The following HEATR5B variants were observed in gnomAD, a reference collection of about 807,000 sequenced individuals.
HEATR5B encodes HEAT repeat containing 5B, also known as HEAT repeat-containing protein 5B.
A neutral mutation model predicts 224.1 loss-of-function variants in HEATR5B; 156 were observed. The ratio of observed to expected loss-of-function variants is 0.70; its 90% confidence interval spans 0.61 to 0.80. The LOEUF (loss-of-function observed/expected upper bound fraction) is 0.80. HEATR5B is among the 30% of genes least tolerant of loss of function. HEATR5B has a pLI of 0.00. For synonymous variants in HEATR5B, 1,027 were observed against 893.0 expected (o/e 1.15, Z -2.68); for missense variants, 2,323 against 2,535.5 (o/e 0.92, Z 1.80).
chr2:37,055,272 AT>A (rs1415030589), intron 16 of HEATR5B, among the ~76,000 whole-genome samples: 1 of 151,530 alleles, frequency 6.6e-6, no homozygotes, highest in African/African-American at 2.4e-5. Flanking sequence ...ACTGTTGAAT[AT>A]TTATGTTATT....
intron 19 of HEATR5B, chr2:37,040,914 A>T: frequency 2.0e-6 from 1 of 493,506 alleles, no homozygotes; most frequent in Non-Finnish European, 3.5e-6. Flanking sequence ...ATAAAAAGAA[A>T]ATATGTTTGA....
intron 21 of HEATR5B, among the ~76,000 whole-genome samples, chr2:37,034,356 G>C (rs1052313170): frequency 7.2e-6 from 1 of 138,864 alleles, no homozygotes; most frequent in Admixed American, 7.1e-5. Context: ...GCTCACGCCT[G>C]TAATCCCAGC....
intron 8 of HEATR5B, 111 bp downstream of exon 8, chr2:37,068,570 T>A (rs936750243): frequency 2.5e-6 from 3 of 1,185,322 alleles, no homozygotes; most frequent in Admixed American, 2.3e-5. Context: ...AAAATCACTA[T>A]GAAAACACAC....
At chr2:37,068,628 T>C in intron 8 of HEATR5B, 53 bp downstream of exon 8, 2 of 1,566,202 alleles carry the variant, frequency 1.3e-6, no homozygotes. Context: ...AGAATCATAA[T>C]AAAGAACTAA....
rs1287329021 is a variant in HEATR5B at position 37,068,831 on chromosome 2, C to T, written c.1027G>A (p.Ala343Thr). 2 of 1,613,970 alleles carry T rather than the reference C, an allele frequency of 1.2e-6. No individual in the cohort carries two copies. The highest frequency in any genetic ancestry group is 2.2e-5 in the South Asian group (2 of 91,088). The change falls in exon 8 of 36, where the codon GCA becomes ACA. Residue 343 changes from alanine to threonine, a missense_variant. This residue lies in a region of HEATR5B where 502 missense variants were observed against 517.8 expected (regional missense o/e 0.97). Transcript: ENST00000233099. ...HVLDLVSHPRATQTHVEAVYS... is the reference protein window; with the variant it reads ...HVLDLVSHPRTTQTHVEAVYS... ...ACAGCCTCCACATGTGTTTGTGTTG[C>T]CCGAGGATGGGAAACCAGATCAAGT...
intron 14 of HEATR5B, 133 bp from the exon 15 acceptor site, chr2:37,057,613 T>C: frequency 1.8e-6 from 1 of 566,592 alleles, no homozygotes. Flanking sequence ...TTAAAAAAAA[T>C]CTATATTTAA....
intron 3 of HEATR5B, among the ~76,000 whole-genome samples, chr2:37,078,687 T>A (rs1558385195): frequency 6.6e-6 from 1 of 152,308 alleles, no homozygotes; most frequent in East Asian, 1.9e-4. Context: ...AATCCAGGTT[T>A]TGAATAATCT....
At chr2:37,060,463 C>G in intron 12 of HEATR5B, 118 bp downstream of exon 12, 1 of 798,558 alleles carries the variant, frequency 1.3e-6, no homozygotes, top group Non-Finnish European at 1.9e-6. Context: ...ATCTAAAAGC[C>G]TATGAATTTA....
intron 18 of HEATR5B, among the ~76,000 whole-genome samples, chr2:37,045,266 C>T (rs1670118842): frequency 6.6e-6 from 1 of 151,466 alleles, no homozygotes; most frequent in Admixed American, 6.6e-5. Context: ...TCTTTATGTG[C>T]CTAGTAATTT....
intron 21 of HEATR5B, among the ~76,000 whole-genome samples, chr2:37,033,026 G>A (rs1385608179): frequency 6.6e-6 from 1 of 151,824 alleles, no homozygotes; most frequent in African/African-American, 2.4e-5. Flanking sequence ...GATTACAGGT[G>A]CCTGCCACCA....
Position 36,988,763 on chromosome 2 carries a change from C to A in HEATR5B, c.5794G>T (p.Val1932Phe), listed in dbSNP as rs761834580. 4.3e-6 allele frequency: 7 copies of A among 1,613,990 alleles called. No homozygotes were observed. The South Asian group carries it at 7.7e-5, about 18-fold the overall frequency. The part of the protein sequence containing the change: ...PYIHSLAPIV[V>F]EKLKAVERNR... ...CTTTCAACAGCTTTTAGCTTTTCAA[C>A]CACTATTGGAGCTAATGAATGAATA... is the stretch of plus-strand genomic sequence containing the variant. The change falls in exon 35 of 36, where the codon GTT becomes TTT. Residue 1932 changes from valine (V) to phenylalanine (F), a missense_variant. By Grantham distance (50) the Val-to-Phe change is conservative. Around this residue, in one of 12 missense-constraint regions of HEATR5B, gnomAD observed 844 missense variants for 812.9 expected, o/e 1.04. Transcript: ENST00000233099.
Position 37,079,347 on chromosome 2 carries a change from T to A in HEATR5B, c.127-16A>T, listed in dbSNP as rs780071657. On this transcript the variant is annotated splice_polypyrimidine_tract_variant and intron_variant, in intron 2 of 35. Transcript: ENST00000233099. The stretch of plus-strand genomic sequence containing the variant: ...TTACATCGGTCTGTTACAAAAAAAA[T>A]TTTTAAAAGAACATCATTAAAAATT... 1.1e-5 allele frequency: 16 copies of A among 1,493,420 alleles called. No individual in the cohort carries two copies. The highest frequency in any genetic ancestry group is 4.6e-5 in the East Asian group (2 of 43,640). 92.5% of individuals were successfully genotyped at this position (1,493,420 alleles called of 1,614,324 possible). A position where few individuals can be genotyped will look rare whatever the true frequency, so the allele number is the denominator to read the frequency against.
chr2:37,082,912 G>GA (rs34849539), intron 2 of HEATR5B, among the ~76,000 whole-genome samples: 5,660 of 147,674 alleles, frequency 0.038, 121 homozygotes, highest in African/African-American at 0.059. Context: ...TATGCAGGAA[G>GA]AAAAAACAGA....
At chr2:37,039,834 T>C (rs1669765565) in intron 20 of HEATR5B, among the ~76,000 whole-genome samples, 2 of 152,238 alleles carry the variant, frequency 1.3e-5, no homozygotes, top group Admixed American at 1.3e-4. Flanking sequence ...ATAAGTTGAC[T>C]AACTCTAGGC....
intron 23 of HEATR5B, 148 bp from the exon 24 acceptor site, chr2:37,028,322 A>G (rs1668909860): frequency 2.0e-6 from 1 of 504,794 alleles, no homozygotes; most frequent in Non-Finnish European, 3.3e-6. Flanking sequence ...ATTTTTTTTA[A>G]ACAATCAAAA....
At chr2:37,055,322 A>ATTAATAGAATAGTATTTAT (rs1457302515) in intron 16 of HEATR5B, among the ~76,000 whole-genome samples, 137 of 152,162 alleles carry the variant, frequency 9.0e-4, no homozygotes, top group African/African-American at 3.2e-3. Flanking sequence ...TTATTTATTT[A>ATTAATAGAATAGTATTTAT]TACTTCATCT....
At position 37,060,151 on chromosome 2, in the gene HEATR5B, A is replaced by T. The variant is rs901361363; in HGVS notation, c.1849+430T>A. On this transcript the variant is annotated intron_variant, in intron 12 of 35. Coordinates refer to ENST00000233099, the MANE Select transcript of HEATR5B (RefSeq NM_019024.3). ...CTGAAAAATATATGAAGGTTTGGAG[A>T]TTTGATAAGGATGTGAAAAAACAGC... Among the ~76,000 whole-genome samples the T allele has an allele frequency of 2.6e-5, 4 of 152,322 alleles. No individual in the cohort carries two copies. In the East Asian group the frequency reaches 7.7e-4, roughly 29 times the overall value.
At chr2:37,005,606 G>GT (rs1558718941) in intron 30 of HEATR5B, 26 bp downstream of exon 30, 1 of 1,601,658 alleles carries the variant, frequency 6.2e-7, no homozygotes, top group African/African-American at 1.3e-5. Context: ...AACCACACAA[G>GT]TATCTATCAT....
At chr2:37,037,160 T>TATATATATATATATATATATATATATATA in intron 21 of HEATR5B, among the ~76,000 whole-genome samples, 1 of 62,462 alleles carries the variant, frequency 1.6e-5, no homozygotes, top group East Asian at 5.9e-4. Context: ...ATATATATAT[T>TATATATATATATATATATATATATATATA]TTGGAGATGG....
Sources: allele counts gnomAD v4.1 joint callset (sites outside exome capture counted in the v4.1 genomes callset), GRCh38; gene constraint gnomAD v4.1.1; regional missense constraint gnomAD v4.1.1; transcripts MANE v1.5; gene names NCBI Gene and HGNC (gene_info 2026-07-23, HGNC 2026-07-21).